PLXNA4: variants seen among roughly 807,000 people sequenced by gnomAD.
The protein encoded by PLXNA4 is plexin A4.
Under a neutral mutation model 191.8 loss-of-function variants are expected in PLXNA4, and 44 were observed. The observed-to-expected ratio is 0.23, with a 90% CI of 0.18 to 0.29. The LOEUF (loss-of-function observed/expected upper bound fraction) is 0.29, where lower values mean the gene tolerates loss of function less well. Among genes scored for constraint, PLXNA4 ranks in the 10% least tolerant of loss-of-function variants. The pLI is 1.00. For synonymous variants in PLXNA4, 1,082 were observed against 1,009.5 expected (o/e 1.07, Z -1.36); for missense variants, 1,800 against 2,488.8 (o/e 0.72, Z 5.89).
At chr7:132,562,969 TCTC>T (rs1801338775) in intron 1 of PLXNA4, among the ~76,000 whole-genome samples, 1 of 86,134 alleles carries the variant, frequency 1.2e-5, no homozygotes, top group Non-Finnish European at 2.3e-5. Flanking sequence ...CTCCTCCTCC[TCTC>T]CCTCCTCCTC....
chr7:132,447,287 A>G (rs1294199260), intron 3 of PLXNA4, among the ~76,000 whole-genome samples: 1 of 152,176 alleles, frequency 6.6e-6, no homozygotes, highest in East Asian at 1.9e-4. Context: ...AGTGCCCTCT[A>G]GACTCTGTCC....
intron 3 of PLXNA4, among the ~76,000 whole-genome samples, chr7:132,442,843 C>A (rs1400271796): frequency 1.3e-5 from 2 of 152,222 alleles, no homozygotes; most frequent in African/African-American, 2.4e-5. Context: ...ATCTAGCAGA[C>A]TTAAAGGGAT....
At chr7:132,176,492 G>A (rs1796460477) in intron 20 of PLXNA4, among the ~76,000 whole-genome samples, 1 of 152,218 alleles carries the variant, frequency 6.6e-6, no homozygotes, top group Admixed American at 6.5e-5. Context: ...GTGGGTGCAT[G>A]GGCACTTGTC....
chr7:132,257,873 G>A (rs1045924836), intron 4 of PLXNA4, among the ~76,000 whole-genome samples: 4 of 152,224 alleles, frequency 2.6e-5, no homozygotes, highest in African/African-American at 7.2e-5. Context: ...GGAGGAATTG[G>A]AAGGGTCCCT....
intron 27 of PLXNA4, among the ~76,000 whole-genome samples, chr7:132,147,256 G>A (rs2671111): frequency 0.26 from 40,186 of 152,244 alleles, 12,377 homozygotes; most frequent in African/African-American, 0.75. Flanking sequence ...AAGAAATGGC[G>A]GTCCTACTGT....
chr7:132,495,635 G>A (rs1797981470), intron 2 of PLXNA4, among the ~76,000 whole-genome samples: 1 of 152,076 alleles, frequency 6.6e-6, no homozygotes, highest in Admixed American at 6.5e-5. Context: ...CTCCCATCTG[G>A]GAGAAAACCA....
chr7:132,260,873 G>A (rs1799616828), intron 4 of PLXNA4, among the ~76,000 whole-genome samples: 1 of 152,050 alleles, frequency 6.6e-6, no homozygotes, highest in Non-Finnish European at 1.5e-5. Flanking sequence ...ACCAAAGACT[G>A]TGGACTCTGG....
chr7:132,297,793 T>C (rs1801145946), intron 4 of PLXNA4, among the ~76,000 whole-genome samples: 1 of 152,196 alleles, frequency 6.6e-6, no homozygotes, highest in Non-Finnish European at 1.5e-5. Flanking sequence ...TGGGCATCTG[T>C]ACGACGTTCC....
chr7:132,434,654 G>T (rs559585142), intron 3 of PLXNA4, among the ~76,000 whole-genome samples: 1 of 152,258 alleles, frequency 6.6e-6, no homozygotes, highest in African/African-American at 2.4e-5. Context: ...GGGATGAAAC[G>T]TAGTCAGATG....
chr7:132,240,048 C>G (rs1373301270), intron 5 of PLXNA4, among the ~76,000 whole-genome samples: 1 of 152,178 alleles, frequency 6.6e-6, no homozygotes, highest in East Asian at 1.9e-4. Flanking sequence ...AAGACAAGAT[C>G]CTGCCCCACC....
chr7:132,405,007 T>G (rs1563080378), intron 3 of PLXNA4, among the ~76,000 whole-genome samples: 1 of 151,910 alleles, frequency 6.6e-6, no homozygotes, highest in Non-Finnish European at 1.5e-5. Context: ...TAAAATAACA[T>G]CAAGGGGATC....
At chr7:132,595,018 T>TAGACAGACAGAC (rs200153876) in intron 2 of PLXNA4, among the ~76,000 whole-genome samples, 5 of 31,590 alleles carry the variant, frequency 1.6e-4, no homozygotes, top group Non-Finnish European at 5.7e-4. Flanking sequence ...GATAGATAGA[T>TAGACAGACAGAC]AGACAGACAG....
Position 132,358,919 on chromosome 7 carries a change from A to T in PLXNA4, c.1372-60697T>A, listed in dbSNP as rs573914645. The stretch of plus-strand genomic sequence containing the variant: ...GGAAGGTCAGGGTCTTGCAGGCTAC[A>T]TAAGGGGCACTTGATTTTATCATGG... On this transcript the variant is annotated intron_variant, in intron 3 of 31. Transcript: ENST00000321063. Among the ~76,000 whole-genome samples the T allele has an allele frequency of 7.2e-5, 11 of 152,292 alleles. No homozygotes were observed. In the East Asian group the frequency reaches 2.1e-3, roughly 29 times the overall value.
At chr7:132,320,375 GTCTC>G (rs1164252417) in intron 3 of PLXNA4, among the ~76,000 whole-genome samples, 4 of 152,148 alleles carry the variant, frequency 2.6e-5, no homozygotes, top group African/African-American at 7.2e-5. Flanking sequence ...CATGGCCCGG[GTCTC>G]TCTGTCTAAA....
intron 2 of PLXNA4, among the ~76,000 whole-genome samples, chr7:132,598,841 T>C (rs1802764749): frequency 6.6e-6 from 1 of 152,236 alleles, no homozygotes. Flanking sequence ...TAAAATTCCG[T>C]TTAAGAAGTT....
At chr7:132,518,581 T>C (rs547210728) in intron 1 of PLXNA4, among the ~76,000 whole-genome samples, 25 of 152,224 alleles carry the variant, frequency 1.6e-4, no homozygotes, top group African/African-American at 6.0e-4. Context: ...CAGGCACTGA[T>C]GTAGAGTCTT....
At position 132,128,867 on chromosome 7, in the gene PLXNA4, C is replaced by T. The variant is rs1794850694; in HGVS notation, c.*1612G>A. On this transcript the variant is annotated 3_prime_UTR_variant, in exon 32 of 32. Transcript: ENST00000321063. Reference sequence around the variant, plus strand: ...TGTCTCCCATAGTGGTGAACAACTCCAGAGCAGAGGTGCCAACAGAGACTC... The same window carrying T: ...TGTCTCCCATAGTGGTGAACAACTCTAGAGCAGAGGTGCCAACAGAGACTC... The T allele has an allele frequency of 6.6e-6, 1 of 152,222 alleles. No homozygotes were observed. The highest frequency in any genetic ancestry group is 1.5e-5 in the Non-Finnish European group (1 of 68,056). The allele number at this position is 152,222 out of a possible 1,614,324, so 9.4% of individuals were successfully genotyped here.
At chr7:132,224,686 A>T (rs1351244151) in intron 8 of PLXNA4, among the ~76,000 whole-genome samples, 1 of 152,102 alleles carries the variant, frequency 6.6e-6, no homozygotes, top group African/African-American at 2.4e-5. Flanking sequence ...GGAGGGAGGG[A>T]TTAGGCCACC....
At chr7:132,350,931 A>T (rs866792395) in intron 3 of PLXNA4, among the ~76,000 whole-genome samples, 1 of 152,270 alleles carries the variant, frequency 6.6e-6, no homozygotes, top group Non-Finnish European at 1.5e-5. Flanking sequence ...TGGTATATCC[A>T]TACAATGGAA....
Sources: allele counts gnomAD v4.1 joint callset (sites outside exome capture counted in the v4.1 genomes callset), GRCh38; gene constraint gnomAD v4.1.1; transcripts MANE v1.5; gene names NCBI Gene and HGNC (gene_info 2026-07-23, HGNC 2026-07-21).